FADS2: variants seen among roughly 807,000 people sequenced by gnomAD.
FADS2 encodes acyl-CoA 6-desaturase.
FADS2 carries 18 observed loss-of-function variants against 61.2 expected under a neutral mutation model. That is an observed-to-expected ratio of 0.29 (90% CI 0.20 to 0.44). FADS2 has a LOEUF of 0.44. Among genes scored for constraint, FADS2 ranks in the 20% least tolerant of loss-of-function variants. The pLI is 1.00. For missense variants in FADS2, 322 were observed against 572.7 expected, an observed-to-expected ratio of 0.56 and a Z score of 4.47; for synonymous variants, 203 against 223.9, an observed-to-expected ratio of 0.91 and a Z score of 0.83.
chr11:61,824,464 G>A (rs2067060056), upstream of FADS2, among the ~76,000 whole-genome samples: 3 of 5,644 alleles, frequency 5.3e-4, no homozygotes, highest in South Asian at 0.038. Flanking sequence ...GGGAGGGAGA[G>A]AGAGAGAGAG....
chr11:61,844,408 T>TA (rs1165527133), intron 4 of FADS2, among the ~76,000 whole-genome samples: 1 of 151,208 alleles, frequency 6.6e-6, no homozygotes, highest in Admixed American at 6.6e-5. Flanking sequence ...CTGTCTCTAC[T>TA]AAAAAAACAA....
At chr11:61,862,698 C>T (rs750235015) in intron 7 of FADS2, 14 of 464,280 alleles carry the variant, frequency 3.0e-5, no homozygotes, top group South Asian at 2.1e-4. Context: ...CACCCCTACC[C>T]CATGGCTGCC....
chr11:61,858,556 G>A (rs1256337123), intron 7 of FADS2, among the ~76,000 whole-genome samples: 2 of 151,554 alleles, frequency 1.3e-5, no homozygotes, highest in Non-Finnish European at 2.9e-5. Flanking sequence ...TAGGGACATT[G>A]GTCATATTGC....
chr11:61,828,780 G>T lies in FADS2; in HGVS notation c.207+183G>T. The T allele has an allele frequency of 3.4e-6, 2 of 592,192 alleles. No individual in the cohort carries two copies. Among genetic ancestry groups the T allele is most frequent in the Non-Finnish European group, 5.9e-6 (2 of 340,036 alleles). 36.7% of individuals were successfully genotyped at this position (592,192 alleles called of 1,614,324 possible). ...ATCCTCCTCCTCCTCTGGGCCGACT[G>T]GGGTGGAGACCGGATCTGGGACCCG... is the stretch of plus-strand genomic sequence containing the variant. On this transcript the variant is annotated intron_variant, in intron 1 of 11. Coordinates refer to ENST00000278840, the MANE Select transcript of FADS2 (RefSeq NM_004265.4). This position sits in a 1 kb window ranked among gnomAD's most constrained non-coding sequence, Gnocchi z 6.4.
chr11:61,860,946 T>C (rs973190663), intron 7 of FADS2, among the ~76,000 whole-genome samples: 4 of 151,816 alleles, frequency 2.6e-5, no homozygotes, highest in Non-Finnish European at 4.4e-5. Flanking sequence ...GGTTCACACC[T>C]GTAATCCTAG....
At chr11:61,863,421 C>A (rs756984335) in intron 9 of FADS2, 43 bp downstream of exon 9, 5 of 1,419,140 alleles carry the variant, frequency 3.5e-6, no homozygotes, top group East Asian at 2.3e-5. Context: ...GTCCCAATGT[C>A]CATGTCCTGG....
intron 5 of FADS2, among the ~76,000 whole-genome samples, chr11:61,852,368 G>A (rs952613621): frequency 6.6e-6 from 1 of 152,062 alleles, no homozygotes; most frequent in African/African-American, 2.4e-5. Flanking sequence ...TCAAGCCATC[G>A]TTCTGCCTCA....
At chr11:61,828,186 G>A, upstream of FADS2, 1 of 1,417,310 alleles carries the variant, frequency 7.1e-7, no homozygotes, top group South Asian at 1.5e-5. This position sits in a 1 kb window ranked among gnomAD's most constrained non-coding sequence, Gnocchi z 6.4. Flanking sequence ...GGAAGCCAGG[G>A]ATCCTCCGCC....
chr11:61,835,397 C>T (rs1461340639), intron 1 of FADS2, among the ~76,000 whole-genome samples: 1 of 139,404 alleles, frequency 7.2e-6, no homozygotes, highest in Non-Finnish European at 1.6e-5. Context: ...TCCCCCGACC[C>T]TTTTTTTTTT....
rs1311517010 is a variant in FADS2, at chr11:61,816,498, C to T, written c.141+72C>T. The T allele has an allele frequency of 5.0e-6, 8 of 1,600,360 alleles. No individual in the cohort carries two copies. The highest frequency in any genetic ancestry group is 5.1e-6 in the Non-Finnish European group (6 of 1,177,344). On this transcript the variant is annotated intron_variant, in intron 1 of 11. Transcript: ENST00000257261. This position sits in a 1 kb window ranked among gnomAD's most constrained non-coding sequence, Gnocchi z 7.0. ...GGCTCGGAGTGCGTAACTCTGTCTC[C>T]CCTGCACTCAGCCTCCGGTCCCGCC...
At position 61,863,312 on chromosome 11, in the gene FADS2, C is replaced by T; in HGVS notation, c.1011C>T (p.Val337=). The T allele has an allele frequency of 6.2e-7, 1 of 1,614,068 alleles. No individual in the cohort carries two copies. Among genetic ancestry groups the T allele is most frequent in the South Asian group, 1.1e-5 (1 of 91,076 alleles). ...TGGAGAGCCACTGGTTTGTGTGGGT[C>T]ACACAGATGAATCACATCGTCATGG... ...RFLESHWFVW[V]TQMNHIVMEI... is the part of the protein sequence containing the mutation. The change falls in exon 9 of 12, where the codon GTC becomes GTT. Residue 337 remains valine (V), a synonymous_variant. Coordinates refer to ENST00000278840, the MANE Select transcript of FADS2 (RefSeq NM_004265.4).
intron 5 of FADS2, chr11:61,854,466 G>A (rs937277900): frequency 6.6e-6 from 1 of 152,328 alleles, no homozygotes; most frequent in Non-Finnish European, 1.5e-5. Context: ...ACCACTGTCC[G>A]AACCCAAACC....
intron 7 of FADS2, among the ~76,000 whole-genome samples, chr11:61,859,842 C>T (rs181050527): frequency 6.6e-6 from 1 of 152,210 alleles, no homozygotes; most frequent in African/African-American, 2.4e-5. Flanking sequence ...AAAAATTAGC[C>T]TGGCATGGTG....
intron 7 of FADS2, 39 bp from the exon 8 acceptor site, chr11:61,862,928 CAGAGG>C (rs1397267384): frequency 2.6e-6 from 4 of 1,509,896 alleles, no homozygotes; most frequent in Non-Finnish European, 3.7e-6. Flanking sequence ...GGTGCCAGGG[CAGAGG>C]AGAGGGCAGG....
chr11:61,863,489 G>A, intron 9 of FADS2, 111 bp downstream of exon 9: 4 of 887,174 alleles, frequency 4.5e-6, no homozygotes, highest in Non-Finnish European at 1.8e-6. Context: ...GGGGCTGCCT[G>A]TGTCCTTTTG....
Position 61,828,534 on chromosome 11 carries a change from A to G in FADS2, c.144A>G (p.Lys48=). The part of the protein sequence containing the change: ...VIDRKVYNIT[K]WSIQHPGGQR... ...ACCGCAAGGTTTACAACATCACCAA[A>G]TGGTCCATCCAGCACCCGGGGGGCC... Residue 48 remains lysine (K), a synonymous_variant, in exon 1 of 12, where the codon AAA becomes AAG. Transcript: ENST00000278840. The surrounding 1 kb of genome is among the most constrained non-coding windows in gnomAD (Gnocchi z 6.4). 1 of 1,613,884 alleles carries G rather than the reference A, an allele frequency of 6.2e-7. No individual in the cohort carries two copies. Among genetic ancestry groups the G allele is most frequent in the Non-Finnish European group, 8.5e-7 (1 of 1,179,958 alleles).
At chr11:61,824,761 G>A (rs900281857), upstream of FADS2, among the ~76,000 whole-genome samples, 1 of 152,166 alleles carries the variant, frequency 6.6e-6, no homozygotes, top group African/African-American at 2.4e-5. Context: ...CCAATGGTTA[G>A]CATCTGATGC....
At chr11:61,856,035 G>A (rs908580729) in intron 5 of FADS2, 7 of 152,298 alleles carry the variant, frequency 4.6e-5, no homozygotes, top group African/African-American at 1.7e-4. Flanking sequence ...CAGCACTGGT[G>A]AGAGGCAGAG....
chr11:61,837,247 G>A (rs1046735791), intron 1 of FADS2, among the ~76,000 whole-genome samples: 1 of 152,104 alleles, frequency 6.6e-6, no homozygotes, highest in Non-Finnish European at 1.5e-5. Flanking sequence ...TTTCAGGAAC[G>A]CTTTTTACAT....
Sources: allele counts gnomAD v4.1 joint callset (sites outside exome capture counted in the v4.1 genomes callset), GRCh38; gene constraint gnomAD v4.1.1; non-coding constraint Gnocchi (gnomAD v3.1); transcripts MANE v1.5; gene names NCBI Gene and HGNC (gene_info 2026-07-23, HGNC 2026-07-21).